The following PIGL variants were observed in gnomAD, a reference collection of about 807,000 sequenced individuals.
PIGL encodes phosphatidylinositol glycan anchor biosynthesis class L.
A neutral mutation model predicts 31.1 loss-of-function variants in PIGL; 22 were observed. The ratio of observed to expected loss-of-function variants is 0.71; its 90% CI spans 0.51 to 1.01. PIGL has a LOEUF of 1.01. PIGL is among the 50% of genes least tolerant of loss of function. PIGL has a pLI of 0.00. For synonymous variants in PIGL, 131 were observed against 117.4 expected, an observed-to-expected ratio of 1.12 and a Z score of -0.75; for missense variants, 302 against 315.9, an observed-to-expected ratio of 0.96 and a Z score of 0.33.
intron 2 of PIGL, among the ~76,000 whole-genome samples, chr17:16,250,247 G>A (rs1405699388): frequency 6.6e-6 from 1 of 152,052 alleles, no homozygotes; most frequent in Non-Finnish European, 1.5e-5. Context: ...ACCATGCCTG[G>A]CTGATACTTA....
intron 2 of PIGL, among the ~76,000 whole-genome samples, chr17:16,290,491 T>C (rs2092955952): frequency 6.6e-6 from 1 of 152,058 alleles, no homozygotes; most frequent in Admixed American, 6.6e-5. Context: ...TCTCCCAGGC[T>C]CAAGTGATCC....
chr17:16,305,047 G>A (rs976864017), intron 3 of PIGL, among the ~76,000 whole-genome samples: 3 of 152,100 alleles, frequency 2.0e-5, no homozygotes, highest in Non-Finnish European at 2.9e-5. Flanking sequence ...AACACTTTGG[G>A]AGGCTCAAGC....
chr17:16,279,275 A>T (rs2092907453), intron 2 of PIGL, among the ~76,000 whole-genome samples: 1 of 152,234 alleles, frequency 6.6e-6, no homozygotes, highest in Admixed American at 6.5e-5. Context: ...AAGTAAAGGA[A>T]ACAAAAGAAT....
intron 6 of PIGL, among the ~76,000 whole-genome samples, chr17:16,321,248 T>TC (rs1298143157): frequency 6.7e-6 from 1 of 149,548 alleles, no homozygotes; most frequent in Non-Finnish European, 1.5e-5. Flanking sequence ...TTTTTTTTTT[T>TC]TTTTTTTTTT....
At chr17:16,278,720 A>AC (rs1161523122) in intron 2 of PIGL, among the ~76,000 whole-genome samples, 6 of 151,982 alleles carry the variant, frequency 3.9e-5, no homozygotes, top group Non-Finnish European at 8.8e-5. Flanking sequence ...AGGCAAAAAA[A>AC]AAAAATCCAC....
chr17:16,298,448 A>G (rs967145397), intron 2 of PIGL, among the ~76,000 whole-genome samples: 3 of 152,214 alleles, frequency 2.0e-5, no homozygotes, highest in African/African-American at 7.2e-5. Flanking sequence ...CCTTAGTCTC[A>G]TATCAGGTGA....
rs1027736604 is a variant in PIGL at position 16,292,194 on chromosome 17, C to T, written c.336-7694C>T. On this transcript the variant is annotated intron_variant, in intron 2 of 6. Coordinates refer to ENST00000225609, the MANE Select transcript of PIGL (RefSeq NM_004278.4). ...GGATTACAGGCACGCACCACCACAC[C>T]CAGCTAATTTTTTGATTTTTAGTAG... Among the ~76,000 whole-genome samples the T allele has an allele frequency of 7.3e-5, 11 of 151,714 alleles. No homozygotes were observed. In the East Asian group the frequency reaches 9.8e-4, roughly 13 times the overall value.
chr17:16,317,811 T>G lies in PIGL; in HGVS notation c.563T>G (p.Leu188Arg). 6.2e-7 allele frequency: 1 copy of G among 1,614,146 alleles called. No homozygotes were observed. Among genetic ancestry groups the G allele is most frequent in the Non-Finnish European group, 8.5e-7 (1 of 1,180,040 alleles). ...SVLTLQSVNV[L>R]RKYISLLDLP... Reference sequence around the variant, plus strand: ...CTCACGCTTCAGTCTGTGAATGTGCTGCGCAAGTACATCTCCCTTCTGGAT... The same window carrying G: ...CTCACGCTTCAGTCTGTGAATGTGCGGCGCAAGTACATCTCCCTTCTGGAT... Residue 188 changes from leucine to arginine, a missense_variant, in exon 6 of 7, where the codon CTG becomes CGG. By Grantham distance (102) the Leu-to-Arg change is moderately radical (BLOSUM62 -2). Transcript: ENST00000225609.
intron 1 of PIGL, among the ~76,000 whole-genome samples, chr17:16,219,135 C>T (rs556459112): frequency 6.7e-6 from 1 of 148,606 alleles, no homozygotes; most frequent in African/African-American, 2.5e-5. Context: ...GGCGCAATCT[C>T]GGCTCACTGT....
intron 2 of PIGL, among the ~76,000 whole-genome samples, chr17:16,294,896 G>C (rs983605730): frequency 6.6e-6 from 1 of 152,144 alleles, no homozygotes; most frequent in Non-Finnish European, 1.5e-5. Flanking sequence ...TGGCTCTGCT[G>C]TCCCCTATCT....
At chr17:16,306,186 A>T (rs1262077597) in intron 3 of PIGL, among the ~76,000 whole-genome samples, 11 of 152,036 alleles carry the variant, frequency 7.2e-5, no homozygotes, top group African/African-American at 2.7e-4. Flanking sequence ...CCTGACCTCG[A>T]GATCCACCCA....
At chr17:16,324,699 T>G (rs1291982103) in intron 6 of PIGL, among the ~76,000 whole-genome samples, 1 of 152,162 alleles carries the variant, frequency 6.6e-6, no homozygotes, top group Admixed American at 6.5e-5. Context: ...AGGGGTTATT[T>G]ACATAAAAGT....
At chr17:16,266,905 TTG>T (rs1491565118) in intron 2 of PIGL, among the ~76,000 whole-genome samples, 82 of 46,570 alleles carry the variant, frequency 1.8e-3, no homozygotes, top group African/African-American at 5.4e-3. Flanking sequence ...CTCTTTTTTT[TTG>T]GGGGGGGGGG....
chr17:16,222,764 C>T (rs1477672661), intron 1 of PIGL, among the ~76,000 whole-genome samples: 1 of 151,386 alleles, frequency 6.6e-6, no homozygotes, highest in African/African-American at 2.4e-5. Flanking sequence ...GTAATCCCAG[C>T]ACTTTGGGAG....
At chr17:16,286,354 G>T (rs1440773813) in intron 2 of PIGL, among the ~76,000 whole-genome samples, 2 of 152,216 alleles carry the variant, frequency 1.3e-5, no homozygotes, top group Non-Finnish European at 2.9e-5. Context: ...GGGCCCCTGG[G>T]CTTGCTTAGC....
In PIGL at chr17:16,234,063, G is replaced by A. The variant is rs1368647980; in HGVS notation, c.328G>A (p.Asp110Asn). 1 of 1,538,294 alleles carries A rather than the reference G, an allele frequency of 6.5e-7. No homozygotes were observed. Among genetic ancestry groups the A allele is most frequent in the East Asian group, 2.2e-5 (1 of 44,522 alleles). Residue 110 changes from aspartate (D) to asparagine (N), a missense_variant, in exon 2 of 7, where the codon GAC becomes AAC. Transcript: ENST00000225609. Reference sequence around the variant, plus strand: ...TCCACTCTCCAGTGTAATGATTATTGACAACAGGTAATATATCTTTTAACA... The same window carrying A: ...TCCACTCTCCAGTGTAATGATTATTAACAACAGGTAATATATCTTTTAACA... ...GIPLSSVMII[D>N]NRDFPDDPGM... is the part of the protein sequence containing the mutation.
chr17:16,256,695 GTGTT>G (rs34187120), intron 2 of PIGL, among the ~76,000 whole-genome samples: 31 of 149,814 alleles, frequency 2.1e-4, no homozygotes, highest in Admixed American at 6.7e-4. Context: ...TGTTTTTTGT[GTGTT>G]TGTTTGTTTG....
intron 2 of PIGL, among the ~76,000 whole-genome samples, chr17:16,257,732 A>G (rs960210921): frequency 6.6e-6 from 1 of 151,890 alleles, no homozygotes; most frequent in African/African-American, 2.4e-5. Context: ...GTTTGAGAGA[A>G]GAGAGTAAAG....
At chr17:16,289,921 C>A (rs915867214) in intron 2 of PIGL, among the ~76,000 whole-genome samples, 1 of 151,968 alleles carries the variant, frequency 6.6e-6, no homozygotes, top group East Asian at 1.9e-4. Context: ...GGATTACAGG[C>A]GCCCACCACT....
Sources: allele counts gnomAD v4.1 joint callset (sites outside exome capture counted in the v4.1 genomes callset), GRCh38; gene constraint gnomAD v4.1.1; transcripts MANE v1.5; gene names NCBI Gene and HGNC (gene_info 2026-07-23, HGNC 2026-07-21).